Variants in STK32B observed in about 807,000 individuals in gnomAD.
The protein encoded by STK32B is serine/threonine-protein kinase 32B.
Under a neutral mutation model 52.6 loss-of-function variants are expected in STK32B, and 43 were observed. The ratio of observed to expected loss-of-function variants is 0.82; its 90% CI spans 0.64 to 1.05. The LOEUF (loss-of-function observed/expected upper bound fraction) is 1.05, where lower values mean the gene tolerates loss of function less well. Ranked by LOEUF, STK32B falls within the 50% of genes least tolerant of loss-of-function variation. The probability of loss-of-function intolerance (pLI) is 0.00; values close to 1 mark genes in which losing one functional copy is unlikely to be tolerated. For missense variants in STK32B, 621 were observed against 534.6 expected (o/e 1.16, Z -1.59); for synonymous variants, 238 against 204.3 (o/e 1.17, Z -1.41).
intron 1 of STK32B, among the ~76,000 whole-genome samples, chr4:5,114,992 C>T (rs540558206): frequency 7.2e-5 from 11 of 152,318 alleles, no homozygotes; most frequent in African/African-American, 2.6e-4. Context: ...TTATGGGCTG[C>T]AAGACACCTG....
intron 1 of STK32B, among the ~76,000 whole-genome samples, chr4:5,062,996 C>T (rs1742274470): frequency 6.6e-6 from 1 of 152,134 alleles, no homozygotes; most frequent in African/African-American, 2.4e-5. Context: ...TTTCTTCGGA[C>T]ACTGATTGCA....
intron 3 of STK32B, among the ~76,000 whole-genome samples, chr4:5,286,510 A>G (rs566101299): frequency 1.4e-4 from 22 of 152,330 alleles, no homozygotes; most frequent in African/African-American, 5.1e-4. Flanking sequence ...TTTTAATGTT[A>G]AAACTTAGTT....
At chr4:5,468,795 G>C (rs1011634004) in intron 11 of STK32B, among the ~76,000 whole-genome samples, 2 of 152,218 alleles carry the variant, frequency 1.3e-5, no homozygotes, top group African/African-American at 2.4e-5. Flanking sequence ...GGGCGCGGTG[G>C]CTCACACCTG....
At chr4:5,147,989 A>C (rs568173657) in intron 2 of STK32B, among the ~76,000 whole-genome samples, 7 of 151,974 alleles carry the variant, frequency 4.6e-5, no homozygotes, top group Admixed American at 2.0e-4. Context: ...ACTTCTTTAA[A>C]TGTTTGATAG....
intron 3 of STK32B, among the ~76,000 whole-genome samples, chr4:5,242,890 G>T (rs1017055057): frequency 3.3e-5 from 5 of 152,012 alleles, no homozygotes; most frequent in African/African-American, 1.2e-4. Context: ...ATGGTTGTAG[G>T]TATGCGGCAT....
intron 7 of STK32B, among the ~76,000 whole-genome samples, chr4:5,454,437 T>C (rs571207472): frequency 6.6e-6 from 1 of 152,242 alleles, no homozygotes; most frequent in East Asian, 1.9e-4. Context: ...GTCTTTCCTC[T>C]ATGTGTCTTT....
chr4:5,036,313 G>A, the STK32B span, among the ~76,000 whole-genome samples: 5 of 152,142 alleles, frequency 3.3e-5, no homozygotes, highest in Admixed American at 6.6e-5. Flanking sequence ...TAGGTGCTCC[G>A]TGAATACTGG....
chr4:5,434,388 T>C (rs1713851325), intron 6 of STK32B, among the ~76,000 whole-genome samples: 1 of 152,056 alleles, frequency 6.6e-6, no homozygotes, highest in Non-Finnish European at 1.5e-5. Context: ...TCAGGAAATT[T>C]TGGAATATAA....
chr4:5,395,250 A>G lies in STK32B; in HGVS notation c.435-2957A>G, dbSNP rs1449014253. 3.9e-5 allele frequency among the ~76,000 whole-genome samples: 6 copies of G among 151,968 alleles called. No homozygotes were observed. The highest frequency in any genetic ancestry group is 1.5e-4 in the African/African-American group (6 of 41,272). ...ATAATCCCGGGACTGCCATCCCACC[A>G]AGTTTGCCCTGTAACATAACTGAAT... On this transcript the variant is annotated intron_variant, in intron 4 of 11. Transcript: ENST00000282908. The surrounding 1 kb of genome is among the most constrained non-coding windows in gnomAD (Gnocchi z 4.4).
At chr4:5,333,509 T>G (rs1184147100) in intron 4 of STK32B, among the ~76,000 whole-genome samples, 2 of 152,362 alleles carry the variant, frequency 1.3e-5, no homozygotes, top group East Asian at 3.9e-4. Context: ...TTTTGGCTTT[T>G]GTTGCCATTG....
intron 3 of STK32B, among the ~76,000 whole-genome samples, chr4:5,309,282 A>G (rs1337998829): frequency 6.6e-6 from 1 of 152,170 alleles, no homozygotes; most frequent in Admixed American, 6.5e-5. Context: ...TTCATGGATT[A>G]GAAGAAGTAA....
At position 5,218,990 on chromosome 4, in the gene STK32B, G is replaced by A. The variant is rs187794836; in HGVS notation, c.260+50540G>A. 3.9e-5 allele frequency among the ~76,000 whole-genome samples: 6 copies of A among 152,246 alleles called. No homozygotes were observed. In the East Asian group the frequency reaches 1.2e-3, roughly 29 times the overall value. The stretch of plus-strand genomic sequence containing the variant: ...GACTCATATTCCCAATGCTGCCCTC[G>A]GTACTCCAGACCAGCCCCAAATTGT... On this transcript the variant is annotated intron_variant, in intron 3 of 11. Transcript: ENST00000282908.
intron 11 of STK32B, among the ~76,000 whole-genome samples, chr4:5,485,282 C>T (rs770121815): frequency 7.2e-5 from 11 of 152,076 alleles, no homozygotes; most frequent in African/African-American, 2.2e-4. Flanking sequence ...GAGGCTTTCT[C>T]GTTTCTTTTT....
chr4:5,485,587 T>G (rs57264400), intron 11 of STK32B, among the ~76,000 whole-genome samples: 3 of 152,186 alleles, frequency 2.0e-5, no homozygotes, highest in Non-Finnish European at 4.4e-5. Flanking sequence ...TCTCTCAACT[T>G]GTCAAAGTCA....
In STK32B at chr4:5,395,331, G is replaced by C. The variant is rs1258012142; in HGVS notation, c.435-2876G>C. ...CTTCCATGGCTAGGACCACGTCACAGGTGAGATCATTTATTCTCTCATCCT... is the reference window on the plus strand; with the variant it reads ...CTTCCATGGCTAGGACCACGTCACACGTGAGATCATTTATTCTCTCATCCT... On this transcript the variant is annotated intron_variant, in intron 4 of 11. Coordinates refer to ENST00000282908, the MANE Select transcript of STK32B (RefSeq NM_018401.3). This position sits in a 1 kb window ranked among gnomAD's most constrained non-coding sequence, Gnocchi z 4.4. Among the ~76,000 whole-genome samples, 3 of 152,164 alleles carry C rather than the reference G, an allele frequency of 2.0e-5. No individual in the cohort carries two copies. The highest frequency in any genetic ancestry group is 7.2e-5 in the African/African-American group (3 of 41,440).
intron 3 of STK32B, among the ~76,000 whole-genome samples, chr4:5,282,119 A>G (rs1728238722): frequency 1.3e-5 from 2 of 152,088 alleles, no homozygotes; most frequent in Admixed American, 6.5e-5. Context: ...TTTGAAATTT[A>G]CTCTCTTAGT....
chr4:5,481,732 T>C (rs1718729533), intron 11 of STK32B, among the ~76,000 whole-genome samples: 2 of 152,350 alleles, frequency 1.3e-5, no homozygotes, highest in African/African-American at 2.4e-5. Context: ...AACATTTAAG[T>C]CTTTAATCCA....
intron 3 of STK32B, among the ~76,000 whole-genome samples, chr4:5,236,848 A>G (rs994860301): frequency 6.6e-6 from 1 of 152,182 alleles, no homozygotes; most frequent in South Asian, 2.1e-4. Flanking sequence ...ACGTTCTAGT[A>G]TGCTTTTTGG....
intron 2 of STK32B, among the ~76,000 whole-genome samples, chr4:5,141,183 G>C (rs947416704): frequency 6.6e-6 from 1 of 152,216 alleles, no homozygotes; most frequent in African/African-American, 2.4e-5. Context: ...GTAGCCAGTG[G>C]CTACTGTATT....
Sources: allele counts gnomAD v4.1 joint callset (sites outside exome capture counted in the v4.1 genomes callset), GRCh38; gene constraint gnomAD v4.1.1; non-coding constraint Gnocchi (gnomAD v3.1); transcripts MANE v1.5; gene names NCBI Gene and HGNC (gene_info 2026-07-23, HGNC 2026-07-21).